Variants in HIP1 observed in about 807,000 individuals in gnomAD.
HIP1 encodes huntingtin-interacting protein 1.
HIP1 carries 65 observed loss-of-function variants against 147.6 expected under a neutral mutation model. The ratio of observed to expected loss-of-function variants is 0.44; its 90% CI spans 0.36 to 0.54. The LOEUF is 0.54. Among genes scored for constraint, HIP1 ranks in the 20% least tolerant of loss-of-function variants. The pLI is 0.00. For missense variants in HIP1, 1,061 were observed against 1,299.6 expected (o/e 0.82, Z 2.82); for synonymous variants, 479 against 504.0 (o/e 0.95, Z 0.67).
intron 1 of HIP1, among the ~76,000 whole-genome samples, chr7:75,609,172 C>A (rs1350337582): frequency 3.9e-5 from 6 of 152,188 alleles, no homozygotes; most frequent in Non-Finnish European, 7.3e-5. Flanking sequence ...TCCTGCAGCT[C>A]TGGGGGGGCT....
Position 75,537,646 on chromosome 7 carries a change from CTG to C in HIP1, c.*524_*525del. 1 of 234,544 alleles carries C rather than the reference CTG, an allele frequency of 4.3e-6. No homozygotes were observed. Among genetic ancestry groups the C allele is most frequent in the African/African-American group, 2.2e-5 (1 of 45,440 alleles). 14.5% of individuals were successfully genotyped at this position (234,544 alleles called of 1,614,324 possible). ...CAGGACACTCCTGCCGTCCTTCTGA[CTG>C]TGCAGATCTCAGGGTAGTGTCCTGG... On this transcript the variant is annotated 3_prime_UTR_variant, in exon 31 of 31. Coordinates refer to ENST00000336926, the MANE Select transcript of HIP1 (RefSeq NM_005338.7).
At chr7:75,542,222 C>G (rs1554490032) in intron 28 of HIP1, among the ~76,000 whole-genome samples, 2 of 151,900 alleles carry the variant, frequency 1.3e-5, no homozygotes, top group Non-Finnish European at 2.9e-5. Context: ...ATGGTGAAAC[C>G]CCGTCTTTAC....
chr7:75,707,444 T>C lies in HIP1; in HGVS notation c.120+31357A>G, dbSNP rs1388018921. On this transcript the variant is annotated intron_variant, in intron 1 of 30. Coordinates refer to ENST00000336926, the MANE Select transcript of HIP1 (RefSeq NM_005338.7). The stretch of plus-strand genomic sequence containing the variant: ...CATAAATGTCTTCTTTTGAGAAGTG[T>C]CTGTTCATGTCCTTCGCCCACTTTT... 1.9e-4 allele frequency among the ~76,000 whole-genome samples: 21 copies of C among 108,014 alleles called. 1 individual carries two copies. In the East Asian group the frequency reaches 5.7e-3, roughly 29 times the overall value. 70.9% of individuals were successfully genotyped at this position (108,014 alleles called of 152,430 possible). A position where few individuals can be genotyped will look rare whatever the true frequency, so the allele number is the denominator to read the frequency against.
rs1477806061 is a variant in HIP1 at position 75,639,251 on chromosome 7, G to A, written c.121-40004C>T. 5 of 854,846 alleles carry A rather than the reference G, an allele frequency of 5.8e-6. No individual in the cohort carries two copies. The South Asian group carries it at 2.1e-4, about 37-fold the overall frequency. The allele number at this position is 854,846 out of a possible 1,614,324, so 53.0% of individuals were successfully genotyped here. ...GCTGGACCGGAGAAAGGAAGGGGAG[G>A]GGGAGGGGAGGCGGCGAGGGGGAGG... On this transcript the variant is annotated intron_variant, in intron 1 of 30. Coordinates refer to ENST00000336926, the MANE Select transcript of HIP1 (RefSeq NM_005338.7).
At chr7:75,686,843 CTTTT>C (rs55942242) in intron 1 of HIP1, among the ~76,000 whole-genome samples, 14 of 80,138 alleles carry the variant, frequency 1.7e-4, no homozygotes, top group African/African-American at 7.3e-4. Context: ...TATTTTAGTT[CTTTT>C]TTTTTTTTTT....
At position 75,549,831 on chromosome 7, in the gene HIP1, G is replaced by A. The variant is rs587754351; in HGVS notation, c.2296-830C>T. ...AGTACAGAGGTGCACCACCAAGCCC[G>A]GATAATTGTTTTTTTTTTTTTTTTA... On this transcript the variant is annotated intron_variant, in intron 22 of 30. Coordinates refer to ENST00000336926, the MANE Select transcript of HIP1 (RefSeq NM_005338.7). Among the ~76,000 whole-genome samples the A allele has an allele frequency of 4.3e-5, 5 of 117,022 alleles. No individual in the cohort carries two copies. In the East Asian group the frequency reaches 6.7e-4, roughly 16 times the overall value. 76.8% of individuals were successfully genotyped at this position (117,022 alleles called of 152,430 possible). A position where few individuals can be genotyped will look rare whatever the true frequency, so the allele number is the denominator to read the frequency against.
intron 1 of HIP1, among the ~76,000 whole-genome samples, chr7:75,670,235 CA>C (rs1799692738): frequency 6.6e-6 from 1 of 152,044 alleles, no homozygotes; most frequent in Non-Finnish European, 1.5e-5. Flanking sequence ...ACTGCAGCTC[CA>C]AACTCCTGGG....
chr7:75,607,380 C>T (rs1352321488), intron 1 of HIP1, among the ~76,000 whole-genome samples: 3 of 151,228 alleles, frequency 2.0e-5, no homozygotes, highest in African/African-American at 7.3e-5. Flanking sequence ...AGGTGCACAC[C>T]ACCAAGCCCG....
At chr7:75,685,258 A>AC (rs199813243) in intron 1 of HIP1, among the ~76,000 whole-genome samples, 6 of 151,848 alleles carry the variant, frequency 4.0e-5, no homozygotes, top group South Asian at 2.1e-4. Context: ...ACCAAAAAAA[A>AC]CCCCAAAAGC....
At chr7:75,595,236 CTTTCTTTCTTTCTTT>C (rs1563230215) in intron 2 of HIP1, among the ~76,000 whole-genome samples, 15 of 114,674 alleles carry the variant, frequency 1.3e-4, no homozygotes, top group African/African-American at 2.4e-4. Context: ...TTCTTTCTTT[CTTTCTTTCTTTCTTT>C]CTTCCTTCCT....
At chr7:75,575,232 G>T (rs1053075736) in intron 7 of HIP1, among the ~76,000 whole-genome samples, 4 of 152,070 alleles carry the variant, frequency 2.6e-5, no homozygotes, top group Non-Finnish European at 4.4e-5. Flanking sequence ...AGGCCGAGGC[G>T]GGTGGATCGC....
intron 2 of HIP1, among the ~76,000 whole-genome samples, chr7:75,598,389 TCTGTCTC>T (rs1796835450): frequency 6.9e-6 from 1 of 145,296 alleles, no homozygotes; most frequent in African/African-American, 2.5e-5. Flanking sequence ...AGAGTGGGAC[TCTGTCTC>T]AAAAAAGAAA....
At chr7:75,637,989 CCCCCACACACACACATACACACACACA>C (rs1175438443) in intron 1 of HIP1, among the ~76,000 whole-genome samples, 12 of 51,324 alleles carry the variant, frequency 2.3e-4, no homozygotes, top group African/African-American at 1.3e-3. Context: ...CCCCCCCCCC[CCCCCACACACACACATACACACACACA>C]CACACACACA....
chr7:75,539,031 G>C (rs994326194), intron 30 of HIP1, among the ~76,000 whole-genome samples: 64 of 152,182 alleles, frequency 4.2e-4, no homozygotes, highest in African/African-American at 1.4e-3. Flanking sequence ...AATTCCCAGG[G>C]AGTTGGCAAG....
At chr7:75,580,855 C>T (rs1796014178) in intron 7 of HIP1, among the ~76,000 whole-genome samples, 1 of 152,130 alleles carries the variant, frequency 6.6e-6, no homozygotes, top group African/African-American at 2.4e-5. Flanking sequence ...AATTCTCCTG[C>T]CTCAGCCTCC....
chr7:75,551,764 G>T, intron 22 of HIP1, among the ~76,000 whole-genome samples: 1 of 147,870 alleles, frequency 6.8e-6, no homozygotes, highest in Non-Finnish European at 1.5e-5. Context: ...GAGACAGGGC[G>T]CCACTAAGTT....
chr7:75,571,803 C>G (rs1666678489), intron 8 of HIP1, among the ~76,000 whole-genome samples: 1 of 152,074 alleles, frequency 6.6e-6, no homozygotes, highest in Non-Finnish European at 1.5e-5. Flanking sequence ...AGGCTGGTCT[C>G]CAACCCCTGA....
At chr7:75,580,237 G>A (rs1457433075) in intron 7 of HIP1, among the ~76,000 whole-genome samples, 1 of 152,196 alleles carries the variant, frequency 6.6e-6, no homozygotes, top group Non-Finnish European at 1.5e-5. Flanking sequence ...TTCCTCCTCA[G>A]TAGAAATCGT....
chr7:75,723,215 AC>A (rs1801551862), intron 1 of HIP1, among the ~76,000 whole-genome samples: 1 of 152,052 alleles, frequency 6.6e-6, no homozygotes, highest in Admixed American at 6.6e-5. Flanking sequence ...TACTAAAGAT[AC>A]AAAAAATTAG....
Sources: gnomAD v4.1 joint callset for allele counts (sites outside exome capture counted in the v4.1 genomes callset) on GRCh38, gnomAD v4.1.1 for gene constraint, MANE v1.5 for transcripts, NCBI Gene and HGNC (gene_info 2026-07-23, HGNC 2026-07-21) for gene names.